Variants in RTL4 observed in about 807,000 individuals in gnomAD.
The protein encoded by RTL4 is retrotransposon Gag-like protein 4.
A neutral mutation model predicts 5.3 loss-of-function variants in RTL4; 4 were observed. The observed-to-expected ratio is 0.75, with a 90% CI of 0.37 to 1.72. RTL4 has a LOEUF of 1.72. RTL4 is among the 40% of genes most tolerant of loss of function. The pLI is 0.04. For missense variants in RTL4, 260 were observed against 227.1 expected, an observed-to-expected ratio of 1.14 and a Z score of -0.93; for synonymous variants, 98 against 87.3, an observed-to-expected ratio of 1.12 and a Z score of -0.68.
chrX:112,367,661 C>T, the RTL4 span, among the ~76,000 whole-genome samples: 1 of 111,866 alleles, frequency 8.9e-6, no homozygotes, highest in African/African-American at 3.2e-5. Flanking sequence ...CCACTATATG[C>T]CAGGCACTGG....
the RTL4 span, among the ~76,000 whole-genome samples, chrX:112,378,937 CACA>C: frequency 7.1e-5 from 8 of 112,453 alleles, no homozygotes; most frequent in Non-Finnish European, 1.5e-4. Flanking sequence ...GCGTTGGAAG[CACA>C]ACAATTCATG....
At chrX:112,109,483 G>T in the RTL4 span, among the ~76,000 whole-genome samples, 6 of 111,649 alleles carry the variant, frequency 5.4e-5, no homozygotes, top group Non-Finnish European at 9.4e-5. Flanking sequence ...ACCTCCTGCT[G>T]ATTGGTCCAT....
chrX:112,428,303 A>G, the RTL4 span, among the ~76,000 whole-genome samples: 1 of 111,830 alleles, frequency 8.9e-6, no homozygotes. Flanking sequence ...GAATTGCTGG[A>G]TCAAATGGTA....
At chrX:112,177,757 G>C in the RTL4 span, among the ~76,000 whole-genome samples, 3 of 110,760 alleles carry the variant, frequency 2.7e-5, no homozygotes, top group Non-Finnish European at 5.7e-5. Flanking sequence ...GCTTCTACTA[G>C]GTACAGACCA....
the RTL4 span, among the ~76,000 whole-genome samples, chrX:112,199,194 C>G: frequency 9.5e-6 from 1 of 105,670 alleles, no homozygotes. Context: ...GAGGCTGAGG[C>G]AGGAGAATGG....
chrX:112,264,999 G>A, the RTL4 span, among the ~76,000 whole-genome samples: 1 of 112,163 alleles, frequency 8.9e-6, no homozygotes, highest in Non-Finnish European at 1.9e-5. Context: ...GGGGGTCCTG[G>A]TTATTGGCAC....
chrX:112,404,053 C>A, the RTL4 span, among the ~76,000 whole-genome samples: 2 of 111,100 alleles, frequency 1.8e-5, no homozygotes, highest in East Asian at 5.7e-4. Context: ...CCAGTTTACA[C>A]CCCCCATTTC....
chrX:112,343,451 T>C, the RTL4 span, among the ~76,000 whole-genome samples: 4 of 112,230 alleles, frequency 3.6e-5, no homozygotes, highest in African/African-American at 1.3e-4. Context: ...TCTTCTATAG[T>C]ATGTTCTGTA....
chrX:112,419,481 T>A, the RTL4 span, among the ~76,000 whole-genome samples: 1 of 88,111 alleles, frequency 1.1e-5, no homozygotes, highest in Non-Finnish European at 2.2e-5. Context: ...TGCCTCAGCC[T>A]CCCGGGTAGC....
the RTL4 span, among the ~76,000 whole-genome samples, chrX:112,201,957 A>G: frequency 1.1e-5 from 1 of 92,349 alleles, no homozygotes; most frequent in East Asian, 3.2e-4. Flanking sequence ...ACTTGGACTC[A>G]GTAGTTTGTG....
the RTL4 span, among the ~76,000 whole-genome samples, chrX:112,381,158 G>T: frequency 9.1e-6 from 1 of 110,406 alleles, no homozygotes; most frequent in Non-Finnish European, 1.9e-5. Context: ...CATTGTTCCC[G>T]CGAGTTGCAG....
At chrX:112,113,250 T>G in the RTL4 span, among the ~76,000 whole-genome samples, 1 of 110,121 alleles carries the variant, frequency 9.1e-6, no homozygotes, top group Non-Finnish European at 1.9e-5. Flanking sequence ...AACTTCAGGG[T>G]TCATTCCCTC....
chrX:112,085,915 C>A, the RTL4 span, among the ~76,000 whole-genome samples: 1 of 111,817 alleles, frequency 8.9e-6, no homozygotes, highest in African/African-American at 3.3e-5. Context: ...TTGTTATCAA[C>A]AATGCCATCT....
At chrX:112,161,907 G>T in the RTL4 span, among the ~76,000 whole-genome samples, 1 of 66,279 alleles carries the variant, frequency 1.5e-5, no homozygotes, top group Non-Finnish European at 2.9e-5. Context: ...TTTTTACTTT[G>T]AGGAAAAATC....
the RTL4 span, among the ~76,000 whole-genome samples, chrX:112,268,034 A>G: frequency 9.0e-6 from 1 of 111,242 alleles, no homozygotes; most frequent in Non-Finnish European, 1.9e-5. Context: ...AAGCCAAGTC[A>G]TGTCACCCCT....
chrX:112,242,176 C>T, the RTL4 span, among the ~76,000 whole-genome samples: 9 of 111,700 alleles, frequency 8.1e-5, no homozygotes, highest in Non-Finnish European at 1.3e-4. Flanking sequence ...CTTGGCAATG[C>T]GGGCTCTTTT....
chrX:112,125,377 C>G, the RTL4 span, among the ~76,000 whole-genome samples: 1 of 111,702 alleles, frequency 9.0e-6, no homozygotes, highest in South Asian at 3.8e-4. Context: ...CAATTAAAAC[C>G]TTACCTCACA....
the RTL4 span, among the ~76,000 whole-genome samples, chrX:112,192,659 C>T: frequency 2.7e-5 from 3 of 111,017 alleles, no homozygotes; most frequent in East Asian, 8.4e-4. Flanking sequence ...TCTATAGCTC[C>T]ATTCTCTCTC....
the RTL4 span, among the ~76,000 whole-genome samples, chrX:112,124,659 C>T: frequency 2.9e-5 from 3 of 102,179 alleles, no homozygotes; most frequent in Non-Finnish European, 5.9e-5. Context: ...GAACAACTCA[C>T]ACCGGGCCGG....
Sources: allele counts gnomAD v4.1 joint callset (sites outside exome capture counted in the v4.1 genomes callset), GRCh38; gene constraint gnomAD v4.1.1; transcripts MANE v1.5; gene names NCBI Gene and HGNC (gene_info 2026-07-23, HGNC 2026-07-21).